Variants in FSCN3 observed in about 807,000 individuals in gnomAD.
FSCN3 encodes the protein fascin-3.
FSCN3 carries 43 observed loss-of-function variants against 53.5 expected under a neutral mutation model. That is an observed-to-expected ratio of 0.80 (90% confidence interval 0.63 to 1.04). The LOEUF (loss-of-function observed/expected upper bound fraction) is 1.04, where lower values mean the gene tolerates loss of function less well. FSCN3 is among the 50% of genes least tolerant of loss of function. The pLI, the probability that FSCN3 is intolerant of heterozygous loss-of-function variation, is 0.00. For missense variants in FSCN3, 594 were observed against 646.5 expected (o/e 0.92, Z 0.88); for synonymous variants, 235 against 246.6 (o/e 0.95, Z 0.44).
intron 2 of FSCN3, 64 bp downstream of exon 2, chr7:127,596,067 G>GT (rs1374785225): frequency 1.3e-6 from 2 of 1,500,108 alleles, no homozygotes; most frequent in African/African-American, 2.8e-5. Context: ...AGGAAAATGT[G>GT]TTTGGGATCA....
chr7:127,597,663 A>G (rs558784610), intron 3 of FSCN3, among the ~76,000 whole-genome samples: 1 of 152,134 alleles, frequency 6.6e-6, no homozygotes, highest in East Asian at 1.9e-4. Flanking sequence ...TATTTTTAGT[A>G]GAGATGGGGT....
In FSCN3 at chr7:127,593,972, C is replaced by T; in HGVS notation, c.119C>T (p.Thr40Ile). The change falls in exon 1 of 7, where the codon ACT becomes ATT. Residue 40 changes from threonine (T) to isoleucine (I), a missense_variant. Thr to Ile is a moderately conservative substitution (Grantham distance 89). Transcript: ENST00000265825. The part of the protein sequence containing the change: ...FEACKNTVTA[T>I]AKSLGRRQTW... ...GCATGCAAGAATACAGTCACTGCAACTGCGAAGAGTTTGGGCAGGAGACAG... is the reference window on the plus strand; with the variant it reads ...GCATGCAAGAATACAGTCACTGCAATTGCGAAGAGTTTGGGCAGGAGACAG... 1 of 1,612,748 alleles carries T rather than the reference C, an allele frequency of 6.2e-7. No individual in the cohort carries two copies. The highest frequency in any genetic ancestry group is 1.1e-5 in the South Asian group (1 of 90,536).
In FSCN3 at chr7:127,600,525, T is replaced by C. The variant is rs1180861885; in HGVS notation, c.*126T>C. The C allele has an allele frequency of 1.4e-5, 9 of 623,242 alleles. No homozygotes were observed. In the East Asian group the frequency reaches 1.6e-4, roughly 11 times the overall value. The allele number at this position is 623,242 out of a possible 1,614,324, so 38.6% of individuals were successfully genotyped here. On this transcript the variant is annotated intron_variant, in intron 6 of 6. Coordinates refer to ENST00000265825, the MANE Select transcript of FSCN3 (RefSeq NM_020369.3). Reference sequence around the variant, plus strand: ...CACTCCCAGGCTGACTTCTGTCCCATAATTTGATCAACTCCAGACATTTAT... The same window carrying C: ...CACTCCCAGGCTGACTTCTGTCCCACAATTTGATCAACTCCAGACATTTAT...
In FSCN3 at chr7:127,598,580, A is replaced by G. The variant is rs1283149741; in HGVS notation, c.1106A>G (p.Asn369Ser). ...GIAPNSLLMA[N>S]VILPGPNEEF... ...GCACCCAACAGCCTGCTGATGGCCA[A>G]TGTCATCCTTCCAGGTGAGTGGAGC... is the stretch of plus-strand genomic sequence containing the variant. Residue 369 changes from asparagine (N) to serine (S), a missense_variant, in exon 4 of 7, where the codon AAT (asparagine) becomes AGT (serine). Physicochemically the swap from Asn to Ser is conservative, Grantham distance 46. Transcript: ENST00000265825. 17 of 1,610,690 alleles carry G rather than the reference A, an allele frequency of 1.1e-5. No homozygotes were observed. The highest frequency in any genetic ancestry group is 2.7e-5 in the African/African-American group (2 of 74,838).
At position 127,595,906 on chromosome 7, in the gene FSCN3, C is replaced by T; in HGVS notation, c.744C>T (p.Cys248=). 1 of 1,612,650 alleles carries T rather than the reference C, an allele frequency of 6.2e-7. No homozygotes were observed. The highest frequency in any genetic ancestry group is 8.5e-7 in the Non-Finnish European group (1 of 1,179,116). ...CGCATCTGCTCTTGGGCATGGGCTG[C>T]AACCCCATGAGGGGTGAGGAGTGGT... The part of the protein sequence containing the change: ...QGTHLLLGMG[C]NPMRGEEWFI... The change falls in exon 2 of 7, where the codon TGC becomes TGT. Residue 248 remains cysteine, a synonymous_variant. Coordinates refer to ENST00000265825, the MANE Select transcript of FSCN3 (RefSeq NM_020369.3).
chr7:127,596,467 G>C lies in FSCN3; in HGVS notation c.960+21G>C, dbSNP rs148140788. 1,155 of 1,188,288 alleles carry C rather than the reference G, an allele frequency of 9.7e-4. 14 individuals are homozygous for C. The African/African-American group carries it at 0.016, about 16-fold the overall frequency. The allele number at this position is 1,188,288 out of a possible 1,614,324, so 73.6% of individuals were successfully genotyped here. A position where few individuals can be genotyped will look rare whatever the true frequency, so the allele number is the denominator to read the frequency against. The stretch of plus-strand genomic sequence containing the variant: ...CCCAGGTGAGACCTTGGCTTCCTGA[G>C]CAAGAGAAACCTTAAGCTCTGAGCT... On this transcript the variant is annotated intron_variant, in intron 3 of 6. Coordinates refer to ENST00000265825, the MANE Select transcript of FSCN3 (RefSeq NM_020369.3).
At chr7:127,598,240 A>G (rs1443624746) in intron 3 of FSCN3, among the ~76,000 whole-genome samples, 195 bp from the exon 4 acceptor site, 1 of 152,228 alleles carries the variant, frequency 6.6e-6, no homozygotes, top group African/African-American at 2.4e-5. Flanking sequence ...TCTGGGATAC[A>G]GCACAGACTG....
At position 127,595,454 on chromosome 7, in the gene FSCN3, C is replaced by A. The variant is rs551537439; in HGVS notation, c.292C>A (p.Arg98Ser). The change falls in exon 2 of 7, where the codon CGT (arginine) becomes AGT (serine). Residue 98 changes from arginine to serine, a missense_variant. By Grantham distance (110) the Arg-to-Ser change is moderately radical. Coordinates refer to ENST00000265825, the MANE Select transcript of FSCN3 (RefSeq NM_020369.3). ...RTSHHGCFLL[R>S]FHRNSKWTLQ... ...CAGCCACCATGGGTGCTTTCTACTG[C>A]GTTTCCACCGGAACAGCAAGTGGAC... The A allele has an allele frequency of 6.8e-6, 11 of 1,614,168 alleles. No homozygotes were observed. In the South Asian group the frequency reaches 8.8e-5, roughly 13 times the overall value.
At chr7:127,600,061 G>T in intron 5 of FSCN3, 133 bp from the exon 6 acceptor site, 1 of 624,020 alleles carries the variant, frequency 1.6e-6, no homozygotes, top group Non-Finnish European at 2.9e-6. Context: ...CATTTCCATA[G>T]AAGGACCCGC....
At chr7:127,598,349 A>G (rs1794421611) in intron 3 of FSCN3, 86 bp from the exon 4 acceptor site, 2 of 1,261,668 alleles carry the variant, frequency 1.6e-6, no homozygotes, top group African/African-American at 1.5e-5. Context: ...GGGATGTGGG[A>G]AGAGGGTCTA....
intron 1 of FSCN3, 107 bp downstream of exon 1, chr7:127,594,104 G>GTA (rs1434098473): frequency 1.3e-5 from 17 of 1,298,740 alleles, no homozygotes; most frequent in East Asian, 2.6e-5. Flanking sequence ...GTGTGTGTGT[G>GTA]TATGTACTTG....
intron 3 of FSCN3, 36 bp from the exon 4 acceptor site, chr7:127,598,399 C>T: frequency 6.3e-7 from 1 of 1,595,978 alleles, no homozygotes; most frequent in South Asian, 1.1e-5. Context: ...ATTGTCAGTC[C>T]TTACTCCTCA....
Position 127,598,522 on chromosome 7 carries a change from C to T in FSCN3, c.1048C>T (p.Leu350=), listed in dbSNP as rs771897222. 1 of 1,613,858 alleles carries T rather than the reference C, an allele frequency of 6.2e-7. No individual in the cohort carries two copies. The highest frequency in any genetic ancestry group is 1.7e-5 in the Admixed American group (1 of 60,024). ...RMHWNCGRII[L]QSCRGRFLGI... ...GCACTGGAACTGTGGCAGGATCATC[C>T]TGCAGTCCTGCAGGGGGCGCTTCCT... Residue 350 remains leucine, a synonymous_variant, in exon 4 of 7, where the codon CTG becomes TTG. Coordinates refer to ENST00000265825, the MANE Select transcript of FSCN3 (RefSeq NM_020369.3).
In FSCN3 at chr7:127,595,992, C is replaced by A. The variant is rs781357092; in HGVS notation, c.830C>A (p.Ser277Ter). ...AGGTCAAAGACTGGGCGGTTCATCT[C>A]AGTCATCTACGGCAAGTGCTGGACC... The part of the protein sequence containing the change: ...SLRSKTGRFI[S>*]VIYDGEVRAA... Residue 277 changes from serine to a stop codon, truncating the protein, a stop_gained, in exon 2 of 7, where the codon TCA becomes TAA. Coordinates refer to ENST00000265825, the MANE Select transcript of FSCN3 (RefSeq NM_020369.3). LOFTEE classifies it high-confidence loss of function. 3 of 1,548,592 alleles carry A rather than the reference C, an allele frequency of 1.9e-6. No homozygotes were observed. Among genetic ancestry groups the A allele is most frequent in the Admixed American group, 1.9e-5 (1 of 51,450 alleles).
chr7:127,594,046 G>C (rs990103890), intron 1 of FSCN3, 49 bp downstream of exon 1: 28 of 1,356,466 alleles, frequency 2.1e-5, no homozygotes, highest in Admixed American at 4.2e-5. Context: ...TGGCCAAGCT[G>C]TGTGTGTGTG....
At chr7:127,594,749 G>A in intron 1 of FSCN3, 3 of 471,266 alleles carry the variant, frequency 6.4e-6, no homozygotes, top group Non-Finnish European at 1.3e-5. Context: ...CCAGACTGAG[G>A]CAGGGGCAAA....
At chr7:127,596,092 G>A (rs1302069618) in intron 2 of FSCN3, 89 bp downstream of exon 2, 25 of 1,485,906 alleles carry the variant, frequency 1.7e-5, no homozygotes, top group South Asian at 2.8e-5. Flanking sequence ...AGATTTTTGA[G>A]TCTGCTAATA....
chr7:127,595,437 A>G lies in FSCN3; in HGVS notation c.275A>G (p.His92Arg), dbSNP rs1481898770. ...TATGGCCGCCCAAGGACCAGCCACC[A>G]TGGGTGCTTTCTACTGCGTTTCCAC... ...VCYGRPRTSHHGCFLLRFHRN... is the reference protein window; with the variant it reads ...VCYGRPRTSHRGCFLLRFHRN... The change falls in exon 2 of 7, where the codon CAT (histidine) becomes CGT (arginine). Residue 92 changes from histidine to arginine, a missense_variant. Coordinates refer to ENST00000265825, the MANE Select transcript of FSCN3 (RefSeq NM_020369.3). 2 of 1,614,032 alleles carry G rather than the reference A, an allele frequency of 1.2e-6. No homozygotes were observed. Among genetic ancestry groups the G allele is most frequent in the Admixed American group, 3.3e-5 (2 of 60,004 alleles).
intron 2 of FSCN3, 73 bp downstream of exon 2, chr7:127,596,076 C>A: frequency 6.7e-7 from 1 of 1,494,166 alleles, no homozygotes; most frequent in Non-Finnish European, 8.9e-7. Context: ...TGTTTGGGAT[C>A]AGCACAGATT....
Sources: allele counts gnomAD v4.1 joint callset (sites outside exome capture counted in the v4.1 genomes callset), GRCh38; gene constraint gnomAD v4.1.1; transcripts MANE v1.5; gene names NCBI Gene and HGNC (gene_info 2026-07-23, HGNC 2026-07-21).